Variants in GULP1 observed in about 807,000 individuals in gnomAD.
GULP1 encodes GULP PTB domain containing engulfment adaptor 1, also known as PTB domain-containing engulfment adapter protein 1.
Under a neutral mutation model 40.9 loss-of-function variants are expected in GULP1, and 19 were observed. The observed-to-expected ratio is 0.46, with a 90% CI of 0.32 to 0.68. The LOEUF (loss-of-function observed/expected upper bound fraction) is 0.68, where lower values mean the gene tolerates loss of function less well. Among genes scored for constraint, GULP1 ranks in the 30% least tolerant of loss-of-function variants. The probability of loss-of-function intolerance (pLI) is 0.03; values close to 1 mark genes in which losing one functional copy is unlikely to be tolerated. For missense variants in GULP1, 312 were observed against 362.2 expected, an observed-to-expected ratio of 0.86 and a Z score of 1.12; for synonymous variants, 119 against 117.6, an observed-to-expected ratio of 1.01 and a Z score of -0.08.
intron 4 of GULP1, among the ~76,000 whole-genome samples, chr2:188,514,385 TC>T (rs947624929): frequency 1.3e-5 from 2 of 152,134 alleles, no homozygotes; most frequent in African/African-American, 4.8e-5. Context: ...GTGTTATATG[TC>T]CTTCAGCTTA....
intron 2 of GULP1, among the ~76,000 whole-genome samples, chr2:188,425,500 A>G (rs1305171996): frequency 6.6e-6 from 1 of 152,166 alleles, no homozygotes; most frequent in Non-Finnish European, 1.5e-5. Context: ...TTCAATAGTC[A>G]GAGTTCTTTT....
intron 11 of GULP1, chr2:188,589,646 ACACT>A (rs1362243509): frequency 2.7e-5 from 15 of 563,350 alleles, no homozygotes; most frequent in Non-Finnish European, 4.6e-5. Context: ...AGTGATGGTG[ACACT>A]CAATGTTAAA....
chr2:188,595,412 A>G lies in GULP1; in HGVS notation c.*1401A>G, dbSNP rs1198009464. On this transcript the variant is annotated 3_prime_UTR_variant, in exon 12 of 12. Transcript: ENST00000409830. ...AAAAGAAATCAAATATGCTTATGCAATATATATTTGTGTGTTTTTCCTTAA... is the reference window on the plus strand; with the variant it reads ...AAAAGAAATCAAATATGCTTATGCAGTATATATTTGTGTGTTTTTCCTTAA... 1 of 152,156 alleles carries G rather than the reference A, an allele frequency of 6.6e-6. No homozygotes were observed. Among genetic ancestry groups the G allele is most frequent in the Non-Finnish European group, 1.5e-5 (1 of 67,748 alleles). The allele number at this position is 152,156 out of a possible 1,614,324, so 9.4% of individuals were successfully genotyped here.
chr2:188,444,531 T>C (rs181615420), intron 2 of GULP1, among the ~76,000 whole-genome samples: 59 of 152,340 alleles, frequency 3.9e-4, no homozygotes, highest in African/African-American at 1.3e-3. Context: ...TGCAATTTAA[T>C]TGGAAAATAT....
intron 2 of GULP1, among the ~76,000 whole-genome samples, chr2:188,436,435 C>T (rs1202938052): frequency 3.3e-5 from 5 of 152,032 alleles, no homozygotes; most frequent in African/African-American, 1.2e-4. Flanking sequence ...TCCTCAGTCT[C>T]TCATCATTTT....
intron 11 of GULP1, chr2:188,589,663 G>A (rs1703121597): frequency 6.0e-6 from 4 of 667,806 alleles, no homozygotes; most frequent in Admixed American, 3.5e-5. Context: ...ATGTTAAACC[G>A]TGGTGTTTTT....
chr2:188,450,247 A>G (rs1438288560), intron 2 of GULP1, among the ~76,000 whole-genome samples: 2 of 152,192 alleles, frequency 1.3e-5, no homozygotes, highest in East Asian at 3.8e-4. Context: ...ATGAGAAAGT[A>G]GGGACTTTCA....
chr2:188,426,684 A>T (rs1416263044), intron 2 of GULP1, among the ~76,000 whole-genome samples: 1 of 152,150 alleles, frequency 6.6e-6, no homozygotes, highest in Non-Finnish European at 1.5e-5. Context: ...AAAGCTTGTC[A>T]GTTGTTCTTA....
chr2:188,516,893 T>G (rs2153221999), intron 4 of GULP1, among the ~76,000 whole-genome samples: 1 of 152,278 alleles, frequency 6.6e-6, no homozygotes, highest in South Asian at 2.1e-4. Context: ...AATATCTACC[T>G]TTCTGATTGT....
At chr2:188,505,511 C>T (rs549111305) in intron 4 of GULP1, among the ~76,000 whole-genome samples, 1 of 151,796 alleles carries the variant, frequency 6.6e-6, no homozygotes, top group South Asian at 2.1e-4. Flanking sequence ...TTATAATATA[C>T]AACAGCATAT....
At chr2:188,532,837 C>A (rs988666005) in intron 6 of GULP1, among the ~76,000 whole-genome samples, 2 of 151,782 alleles carry the variant, frequency 1.3e-5, no homozygotes, top group Admixed American at 1.3e-4. Context: ...AGGAGAATCG[C>A]TTGAACCCGG....
intron 7 of GULP1, among the ~76,000 whole-genome samples, chr2:188,560,639 G>A (rs1428581237): frequency 6.6e-6 from 1 of 152,110 alleles, no homozygotes; most frequent in African/African-American, 2.4e-5. Context: ...CCTAAGACTG[G>A]GTAATTTATA....
intron 1 of GULP1, among the ~76,000 whole-genome samples, chr2:188,356,829 C>T (rs1051583828): frequency 1.3e-5 from 2 of 151,954 alleles, no homozygotes; most frequent in Non-Finnish European, 2.9e-5. Context: ...TGCTGGTAAG[C>T]CAAACAGCAT....
chr2:188,499,947 A>G (rs1333208094), intron 4 of GULP1, among the ~76,000 whole-genome samples: 1 of 151,728 alleles, frequency 6.6e-6, no homozygotes, highest in Non-Finnish European at 1.5e-5. Context: ...CTGATACCCT[A>G]TTACCACGTG....
chr2:188,302,211 A>C (rs550636344), intron 1 of GULP1, among the ~76,000 whole-genome samples: 1 of 152,282 alleles, frequency 6.6e-6, no homozygotes, highest in East Asian at 1.9e-4. Flanking sequence ...TTTTTAATAC[A>C]GTAGATAAGT....
Position 188,320,171 on chromosome 2 carries a change from A to G in GULP1, c.-172+28005A>G, listed in dbSNP as rs184354591. Among the ~76,000 whole-genome samples, 34 of 152,288 alleles carry G rather than the reference A, an allele frequency of 2.2e-4. No homozygotes were observed. In the East Asian group the frequency reaches 5.2e-3, roughly 23 times the overall value. On this transcript the variant is annotated intron_variant, in intron 1 of 11. Coordinates refer to ENST00000409830, the MANE Select transcript of GULP1 (RefSeq NM_016315.4). ...GGAAGACCATCACCAGCTGATGCCA[A>G]ATGTCCCCTAGGGAGCAACACCATG...
chr2:188,430,978 T>A (rs1487830247), intron 2 of GULP1, among the ~76,000 whole-genome samples: 2 of 152,214 alleles, frequency 1.3e-5, no homozygotes, highest in Non-Finnish European at 2.9e-5. Context: ...CTTTTTAATA[T>A]CATATTTTCA....
intron 1 of GULP1, among the ~76,000 whole-genome samples, chr2:188,348,834 G>C (rs2152273444): frequency 6.6e-6 from 1 of 152,220 alleles, no homozygotes; most frequent in East Asian, 1.9e-4. Context: ...CTCCGATATC[G>C]AAGGATGACC....
chr2:188,314,026 A>G lies in GULP1; in HGVS notation c.-172+21860A>G, dbSNP rs1226499957. Among the ~76,000 whole-genome samples the G allele has an allele frequency of 2.0e-5, 3 of 151,926 alleles. No individual in the cohort carries two copies. In the East Asian group the frequency reaches 5.8e-4, roughly 29 times the overall value. On this transcript the variant is annotated intron_variant, in intron 1 of 11. Coordinates refer to ENST00000409830, the MANE Select transcript of GULP1 (RefSeq NM_016315.4). ...TTAAAAAAAAAACAAAATACATATA[A>G]AATAAAGTAACATAATAAGACTCCA...
Sources: allele counts gnomAD v4.1 joint callset (sites outside exome capture counted in the v4.1 genomes callset), GRCh38; gene constraint gnomAD v4.1.1; transcripts MANE v1.5; gene names NCBI Gene and HGNC (gene_info 2026-07-23, HGNC 2026-07-21).